SLC8A1: variants seen among roughly 807,000 people sequenced by gnomAD.
The protein encoded by SLC8A1 is sodium/calcium exchanger 1.
A neutral mutation model predicts 68.3 loss-of-function variants in SLC8A1; 18 were observed. The observed-to-expected ratio is 0.26, with a 90% CI of 0.18 to 0.39. The LOEUF (loss-of-function observed/expected upper bound fraction) is 0.39. SLC8A1 is among the 10% of genes least tolerant of loss of function. SLC8A1 has a pLI of 1.00. For synonymous variants in SLC8A1, 475 were observed against 415.5 expected (o/e 1.14, Z -1.74); for missense variants, 985 against 1,156.7 (o/e 0.85, Z 2.15).
intron 2 of SLC8A1, among the ~76,000 whole-genome samples, chr2:40,222,922 A>C (rs541935532): frequency 6.6e-6 from 1 of 152,200 alleles, no homozygotes; most frequent in African/African-American, 2.4e-5. Context: ...TTTTGTTGGG[A>C]GTATAAATTA....
At chr2:40,446,917 A>C (rs749036804) in intron 1 of SLC8A1, among the ~76,000 whole-genome samples, 3 of 152,236 alleles carry the variant, frequency 2.0e-5, no homozygotes, top group African/African-American at 4.8e-5. Context: ...AAAGCCAAGC[A>C]CAGGGCCTTG....
chr2:40,124,190 C>T (rs1010183069), intron 7 of SLC8A1, among the ~76,000 whole-genome samples: 1 of 152,202 alleles, frequency 6.6e-6, no homozygotes, highest in African/African-American at 2.4e-5. Flanking sequence ...CCTTCATTCT[C>T]ACCTGCAGGT....
At chr2:40,429,657 T>C in exon 2 of SLC8A1, 1 of 1,613,712 alleles carries the variant, frequency 6.2e-7, no homozygotes, top group Non-Finnish European at 8.5e-7. Flanking sequence ...TGCTCCAGGC[T>C]GCTGTCACAA....
At chr2:40,375,790 C>T (rs370169341) in intron 2 of SLC8A1, among the ~76,000 whole-genome samples, 1 of 152,138 alleles carries the variant, frequency 6.6e-6, no homozygotes, top group African/African-American at 2.4e-5. Context: ...ATTGCTTGAG[C>T]TCGAAAGTTG....
chr2:40,433,828 C>A (rs191623925), intron 1 of SLC8A1, among the ~76,000 whole-genome samples: 2 of 152,268 alleles, frequency 1.3e-5, no homozygotes, highest in Non-Finnish European at 2.9e-5. Context: ...TGGACTAGCC[C>A]GTTGGAAAGC....
intron 4 of SLC8A1, among the ~76,000 whole-genome samples, chr2:40,170,927 G>A (rs1419306523): frequency 5.9e-5 from 9 of 152,096 alleles, no homozygotes; most frequent in Non-Finnish European, 1.2e-4. Flanking sequence ...TGTTATGTAC[G>A]CCTGTAGGTT....
chr2:40,302,159 T>G (rs910584724), intron 2 of SLC8A1, among the ~76,000 whole-genome samples: 2 of 151,444 alleles, frequency 1.3e-5, no homozygotes, highest in African/African-American at 4.8e-5. Flanking sequence ...AGCCTCCCAG[T>G]GTGCTGGGAT....
chr2:40,374,255 T>C (rs1452992294), intron 2 of SLC8A1, among the ~76,000 whole-genome samples: 2 of 152,166 alleles, frequency 1.3e-5, no homozygotes, highest in African/African-American at 4.8e-5. Flanking sequence ...CTCATCTCTG[T>C]AATCACAGCA....
intron 2 of SLC8A1, among the ~76,000 whole-genome samples, chr2:40,178,788 G>A (rs1291220099): frequency 2.6e-5 from 4 of 152,100 alleles, no homozygotes; most frequent in Non-Finnish European, 5.9e-5. Flanking sequence ...GAAAAACACA[G>A]ATCACAATAA....
intron 2 of SLC8A1, among the ~76,000 whole-genome samples, chr2:40,412,395 A>G (rs1019866617): frequency 6.6e-6 from 1 of 152,148 alleles, no homozygotes; most frequent in Non-Finnish European, 1.5e-5. Context: ...TTTTGTAATC[A>G]TATATTTACA....
intron 2 of SLC8A1, among the ~76,000 whole-genome samples, chr2:40,189,525 T>A (rs1169062935): frequency 1.3e-5 from 2 of 152,094 alleles, no homozygotes; most frequent in Non-Finnish European, 2.9e-5. Context: ...TTCACCGTGT[T>A]GGCCAGGCTG....
chr2:40,215,425 C>T (rs2057309934), intron 2 of SLC8A1, among the ~76,000 whole-genome samples: 1 of 151,916 alleles, frequency 6.6e-6, no homozygotes, highest in African/African-American at 2.4e-5. Flanking sequence ...ATCATGAGGT[C>T]AGGAGATCGA....
At chr2:40,317,894 G>C (rs958371088) in intron 2 of SLC8A1, among the ~76,000 whole-genome samples, 2 of 151,952 alleles carry the variant, frequency 1.3e-5, no homozygotes, top group African/African-American at 2.4e-5. Context: ...TTCACTCCTC[G>C]AGGTGGTATG....
intron 2 of SLC8A1, among the ~76,000 whole-genome samples, chr2:40,349,207 C>T (rs13430329): frequency 0.028 from 4,199 of 152,098 alleles, 94 homozygotes; most frequent in Non-Finnish European, 0.045. Flanking sequence ...CCTGTTTTTC[C>T]ATCAAATATG....
At chr2:40,423,801 A>G (rs575493059) in intron 2 of SLC8A1, among the ~76,000 whole-genome samples, 1 of 152,094 alleles carries the variant, frequency 6.6e-6, no homozygotes, top group Admixed American at 6.5e-5. Context: ...TTTGGCTCTT[A>G]TCCTATCTTA....
intron 2 of SLC8A1, among the ~76,000 whole-genome samples, chr2:40,403,916 T>A (rs531437778): frequency 2.0e-5 from 3 of 152,236 alleles, no homozygotes; most frequent in African/African-American, 7.2e-5. Flanking sequence ...AAAGCTTTTT[T>A]TCTGAATATT....
chr2:40,444,075 G>A (rs956550503), intron 1 of SLC8A1, among the ~76,000 whole-genome samples: 2 of 152,160 alleles, frequency 1.3e-5, no homozygotes, highest in Non-Finnish European at 1.5e-5. Flanking sequence ...AGTAGCTCAT[G>A]ACTATAATCC....
At chr2:40,470,511 AT>A (rs1703937906) in intron 1 of SLC8A1, among the ~76,000 whole-genome samples, 2 of 152,044 alleles carry the variant, frequency 1.3e-5, no homozygotes, top group African/African-American at 4.8e-5. Flanking sequence ...GTAAATGTAT[AT>A]TGACATGAAC....
chr2:40,370,454 A>C (rs1677660790), intron 2 of SLC8A1, among the ~76,000 whole-genome samples: 1 of 151,908 alleles, frequency 6.6e-6, no homozygotes, highest in African/African-American at 2.4e-5. Context: ...TGTTGGCCTC[A>C]CTTTCCTAGT....
Sources: allele counts gnomAD v4.1 joint callset (sites outside exome capture counted in the v4.1 genomes callset), GRCh38; gene constraint gnomAD v4.1.1; transcripts MANE v1.5; gene names NCBI Gene and HGNC (gene_info 2026-07-23, HGNC 2026-07-21).